LRRTM4: variants seen among roughly 807,000 people sequenced by gnomAD.
The protein encoded by LRRTM4 is leucine-rich repeat transmembrane neuronal protein 4.
A neutral mutation model predicts 47.6 loss-of-function variants in LRRTM4; 25 were observed. The ratio of observed to expected loss-of-function variants is 0.53; its 90% CI spans 0.38 to 0.73. The LOEUF (loss-of-function observed/expected upper bound fraction) is 0.73. Among genes scored for constraint, LRRTM4 ranks in the 30% least tolerant of loss-of-function variants. The pLI is 0.00. For missense variants in LRRTM4, 638 were observed against 713.4 expected (o/e 0.89, Z 1.20); for synonymous variants, 311 against 269.5 (o/e 1.15, Z -1.51).
At chr2:76,927,405 C>A (rs1674621882) in intron 3 of LRRTM4, among the ~76,000 whole-genome samples, 1 of 152,072 alleles carries the variant, frequency 6.6e-6, no homozygotes, top group Non-Finnish European at 1.5e-5. Context: ...AACTTTTGTT[C>A]TTCCTGATAA....
In LRRTM4 at chr2:77,346,580, A is replaced by C. The variant is rs552168085; in HGVS notation, c.1551+171738T>G. ...GTCAGCAGGAATTTTACATTGGTAC[A>C]ATATTCCTTAAAGTTTTTCAAAAAT... On this transcript the variant is annotated intron_variant, in intron 3 of 3. Coordinates refer to ENST00000409884, the MANE Select transcript of LRRTM4 (RefSeq NM_001134745.3). 2.0e-5 allele frequency among the ~76,000 whole-genome samples: 3 copies of C among 152,268 alleles called. No individual in the cohort carries two copies. The South Asian group carries it at 6.2e-4, about 32-fold the overall frequency.
chr2:77,316,840 C>G (rs2104214062), intron 3 of LRRTM4, among the ~76,000 whole-genome samples: 1 of 152,326 alleles, frequency 6.6e-6, no homozygotes, highest in African/African-American at 2.4e-5. Flanking sequence ...GCCACTGCAC[C>G]TTACCTATTC....
Position 76,747,709 on chromosome 2 carries a change from C to T in LRRTM4, c.*986G>A, listed in dbSNP as rs1672694646. ...ATTAGGTGGGCTGTGGTATACCAAC[C>T]ACAAAATAATATATTTATTTTTCAA... On this transcript the variant is annotated 3_prime_UTR_variant, in exon 4 of 4. Coordinates refer to ENST00000409884, the MANE Select transcript of LRRTM4 (RefSeq NM_001134745.3). 6.6e-6 allele frequency: 1 copy of T among 152,138 alleles called. No individual in the cohort carries two copies. The highest frequency in any genetic ancestry group is 2.4e-5 in the African/African-American group (1 of 41,420). 9.4% of individuals were successfully genotyped at this position (152,138 alleles called of 1,614,324 possible).
At chr2:77,028,486 A>G (rs571710688) in intron 3 of LRRTM4, among the ~76,000 whole-genome samples, 4 of 152,302 alleles carry the variant, frequency 2.6e-5, no homozygotes, top group African/African-American at 9.6e-5. Context: ...TAAACTTCAA[A>G]AATTTCACTT....
At chr2:77,146,238 C>T (rs559287827) in intron 3 of LRRTM4, among the ~76,000 whole-genome samples, 3 of 152,076 alleles carry the variant, frequency 2.0e-5, no homozygotes, top group Admixed American at 6.6e-5. Context: ...AATGTAAAGA[C>T]GGGGAACAGA....
chr2:77,080,234 A>G (rs1446731), intron 3 of LRRTM4, among the ~76,000 whole-genome samples: 142,473 of 152,258 alleles, frequency 0.94, 66,750 homozygotes, highest in East Asian at 1. Context: ...TGTACATCTG[A>G]TTTCCCCCTT....
chr2:77,511,141 A>C (rs1678968914), intron 3 of LRRTM4, among the ~76,000 whole-genome samples: 1 of 152,128 alleles, frequency 6.6e-6, no homozygotes, highest in South Asian at 2.1e-4. Context: ...TACCAAATTG[A>C]GGCAATGAGA....
At position 77,261,656 on chromosome 2, in the gene LRRTM4, A is replaced by G. The variant is rs561405373; in HGVS notation, c.1551+256662T>C. Among the ~76,000 whole-genome samples, 11 of 152,194 alleles carry G rather than the reference A, an allele frequency of 7.2e-5. No homozygotes were observed. The East Asian group carries it at 1.6e-3, about 21-fold the overall frequency. On this transcript the variant is annotated intron_variant, in intron 3 of 3. Transcript: ENST00000409884. The stretch of plus-strand genomic sequence containing the variant: ...GGTCCCAGGATCTAACAGGATGCCT[A>G]ACAGCATTAAGATAACTGATCATGG...
intron 3 of LRRTM4, among the ~76,000 whole-genome samples, chr2:76,762,903 C>A (rs142753664): frequency 6.6e-6 from 1 of 152,120 alleles, no homozygotes; most frequent in Admixed American, 6.5e-5. Flanking sequence ...AACATAACAT[C>A]AACAAGCTAC....
intron 3 of LRRTM4, among the ~76,000 whole-genome samples, chr2:77,295,906 T>C (rs1676960443): frequency 6.6e-6 from 1 of 152,150 alleles, no homozygotes; most frequent in Non-Finnish European, 1.5e-5. Context: ...GAATTAGTAA[T>C]TGAACATATG....
chr2:76,887,087 G>A (rs1250513016), intron 3 of LRRTM4, among the ~76,000 whole-genome samples: 3 of 151,508 alleles, frequency 2.0e-5, no homozygotes, highest in African/African-American at 4.8e-5. Context: ...AGGCTAATAC[G>A]AGAATGCACA....
chr2:76,952,753 C>A (rs115833323), intron 3 of LRRTM4, among the ~76,000 whole-genome samples: 172 of 152,022 alleles, frequency 1.1e-3, no homozygotes, highest in African/African-American at 3.6e-3. Context: ...ATGTTCACCA[C>A]CGTATTATTC....
chr2:77,101,403 G>A (rs950335770), intron 3 of LRRTM4, among the ~76,000 whole-genome samples: 1 of 152,080 alleles, frequency 6.6e-6, no homozygotes, highest in African/African-American at 2.4e-5. Context: ...AATGAGGGGG[G>A]TGAAGATTAA....
intron 3 of LRRTM4, among the ~76,000 whole-genome samples, chr2:77,069,828 G>A (rs745961437): frequency 7.2e-5 from 11 of 152,098 alleles, no homozygotes; most frequent in Non-Finnish European, 1.6e-4. Context: ...ACATTCTTTA[G>A]CTTTATCATT....
At chr2:77,513,004 A>G (rs1679077100) in intron 3 of LRRTM4, among the ~76,000 whole-genome samples, 1 of 152,174 alleles carries the variant, frequency 6.6e-6, no homozygotes, top group Non-Finnish European at 1.5e-5. Flanking sequence ...AATTCTAATG[A>G]AAACTCTATT....
intron 3 of LRRTM4, among the ~76,000 whole-genome samples, chr2:76,839,359 G>A (rs936094158): frequency 6.6e-6 from 1 of 152,054 alleles, no homozygotes; most frequent in Non-Finnish European, 1.5e-5. Context: ...AGGAGAAAAT[G>A]ATCAATTGTT....
intron 3 of LRRTM4, among the ~76,000 whole-genome samples, chr2:77,296,401 A>T (rs372309828): frequency 2.0e-5 from 3 of 152,266 alleles, no homozygotes; most frequent in East Asian, 3.9e-4. Flanking sequence ...CTATTTATTC[A>T]GTAACAGTAT....
chr2:76,841,046 C>T (rs565420227), intron 3 of LRRTM4, among the ~76,000 whole-genome samples: 7 of 150,244 alleles, frequency 4.7e-5, no homozygotes, highest in African/African-American at 1.5e-4. Flanking sequence ...CAATGATAGA[C>T]TGGATTAAGA....
rs529634976 is a variant in LRRTM4, at chr2:77,224,747, C to G, written c.1551+293571G>C. Among the ~76,000 whole-genome samples, 169 of 152,252 alleles carry G rather than the reference C, an allele frequency of 1.1e-3. 2 individuals are homozygous for G. The highest frequency in any genetic ancestry group is 3.2e-3 in the African/African-American group (134 of 41,550). On this transcript the variant is annotated intron_variant, in intron 3 of 3. Transcript: ENST00000409884. ...GAGAGGATGTGGAGAAATAGGAACA[C>G]TTTTACACTGTTGGTGGGACTGTAA...
Sources: gnomAD v4.1 joint callset for allele counts (sites outside exome capture counted in the v4.1 genomes callset) on GRCh38, gnomAD v4.1.1 for gene constraint, MANE v1.5 for transcripts, NCBI Gene and HGNC (gene_info 2026-07-23, HGNC 2026-07-21) for gene names.